RAPGEF2: variants seen among roughly 807,000 people sequenced by gnomAD.
RAPGEF2 encodes Rap guanine nucleotide exchange factor 2.
Under a neutral mutation model 186.7 loss-of-function variants are expected in RAPGEF2, and 54 were observed. The observed-to-expected ratio is 0.29, with a 90% CI of 0.23 to 0.36. RAPGEF2 has a LOEUF of 0.36. RAPGEF2 is among the 10% of genes least tolerant of loss of function. The probability of loss-of-function intolerance (pLI) is 1.00; values close to 1 mark genes in which losing one functional copy is unlikely to be tolerated. For synonymous variants in RAPGEF2, 712 were observed against 705.9 expected (o/e 1.01, Z -0.14); for missense variants, 1,532 against 2,045.0 (o/e 0.75, Z 4.84).
intron 8 of RAPGEF2, among the ~76,000 whole-genome samples, chr4:159,309,072 G>A (rs1291167053): frequency 6.6e-6 from 1 of 152,164 alleles, no homozygotes; most frequent in Non-Finnish European, 1.5e-5. Context: ...ACTTCACCCA[G>A]GACTGAAGTT....
intron 3 of RAPGEF2, among the ~76,000 whole-genome samples, chr4:159,205,349 T>C (rs894117131): frequency 2.6e-5 from 4 of 152,162 alleles, no homozygotes; most frequent in Non-Finnish European, 5.9e-5. Context: ...AATCTCAGTG[T>C]TAGTCTTAGA....
intron 1 of RAPGEF2, among the ~76,000 whole-genome samples, chr4:159,168,949 A>G (rs1031797205): frequency 1.3e-5 from 2 of 152,224 alleles, no homozygotes; most frequent in Non-Finnish European, 2.9e-5. Context: ...TCTTCTGACA[A>G]CCGTTATTCA....
intron 7 of RAPGEF2, among the ~76,000 whole-genome samples, chr4:159,283,758 G>A (rs1343253357): frequency 6.6e-6 from 1 of 152,088 alleles, no homozygotes; most frequent in African/African-American, 2.4e-5. Context: ...CTAAAGCCAG[G>A]ACATTTTTTT....
intron 1 of RAPGEF2, among the ~76,000 whole-genome samples, chr4:159,129,807 C>G (rs984508513): frequency 2.6e-5 from 4 of 152,068 alleles, no homozygotes; most frequent in Non-Finnish European, 2.9e-5. Flanking sequence ...GTTCTTGGAT[C>G]TTGGGCAAGA....
At chr4:159,146,251 A>G (rs1742948001) in intron 1 of RAPGEF2, among the ~76,000 whole-genome samples, 1 of 152,174 alleles carries the variant, frequency 6.6e-6, no homozygotes, top group African/African-American at 2.4e-5. Context: ...AGCAACAAAA[A>G]GTGGAATGTT....
chr4:159,243,230 T>C lies in RAPGEF2; in HGVS notation c.526-544T>C, dbSNP rs189622095. 1.1e-3 allele frequency among the ~76,000 whole-genome samples: 163 copies of C among 151,938 alleles called. 1 individual carries two copies. The highest frequency in any genetic ancestry group is 3.5e-3 in the Admixed American group (54 of 15,242). ...TGATTACTAATGGATCATATACTGG[T>C]TTACTAATGTGTGACATGTGGTATT... is the stretch of plus-strand genomic sequence containing the variant. On this transcript the variant is annotated intron_variant, in intron 6 of 29. Coordinates refer to ENST00000691494, the MANE Select transcript of RAPGEF2 (RefSeq NM_001394067.2).
chr4:159,169,987 C>T (rs959835546), intron 1 of RAPGEF2, among the ~76,000 whole-genome samples: 3 of 152,116 alleles, frequency 2.0e-5, no homozygotes, highest in Non-Finnish European at 4.4e-5. Context: ...TTTGCAGGAA[C>T]CTCCATACTG....
At chr4:159,280,955 T>G (rs6811571) in intron 7 of RAPGEF2, among the ~76,000 whole-genome samples, 49,414 of 151,302 alleles carry the variant, frequency 0.33, 8,632 homozygotes, top group Non-Finnish European at 0.4. Context: ...TAGCTAGCTG[T>G]ACAATGCGTA....
chr4:159,128,384 C>T (rs945072948), intron 1 of RAPGEF2, among the ~76,000 whole-genome samples: 4 of 151,814 alleles, frequency 2.6e-5, no homozygotes, highest in South Asian at 2.1e-4. Context: ...TTCAGGGTTA[C>T]GTAAGTTTAA....
intron 3 of RAPGEF2, among the ~76,000 whole-genome samples, chr4:159,207,300 A>T (rs1263750719): frequency 6.6e-6 from 1 of 152,236 alleles, no homozygotes; most frequent in Non-Finnish European, 1.5e-5. Flanking sequence ...GGTGGTAAGG[A>T]TGCTAGAGCA....
At chr4:159,351,525 G>A (rs1263817539) in intron 26 of RAPGEF2, among the ~76,000 whole-genome samples, 2 of 152,092 alleles carry the variant, frequency 1.3e-5, no homozygotes, top group Non-Finnish European at 2.9e-5. Context: ...TTAGGTAAGT[G>A]GCATTGAAGA....
chr4:159,315,060 G>A (rs1199466476), intron 9 of RAPGEF2, among the ~76,000 whole-genome samples: 2 of 151,490 alleles, frequency 1.3e-5, no homozygotes, highest in Admixed American at 1.3e-4. Context: ...GTTAAAATGA[G>A]CCTTTCAAGC....
intron 1 of RAPGEF2, among the ~76,000 whole-genome samples, chr4:159,129,875 G>C (rs1425397029): frequency 6.6e-6 from 1 of 152,130 alleles, no homozygotes; most frequent in Non-Finnish European, 1.5e-5. Context: ...AGAAAGTATG[G>C]GAATAAAAGA....
intron 7 of RAPGEF2, among the ~76,000 whole-genome samples, chr4:159,248,643 G>A (rs1200102250): frequency 6.6e-6 from 1 of 152,078 alleles, no homozygotes; most frequent in African/African-American, 2.4e-5. Flanking sequence ...TGCTTTAGGG[G>A]GACTAACTCT....
intron 4 of RAPGEF2, among the ~76,000 whole-genome samples, chr4:159,234,247 T>C (rs1018398953): frequency 6.6e-6 from 1 of 152,232 alleles, no homozygotes. Flanking sequence ...ACTTCTGATT[T>C]TTTGATGAAG....
At chr4:159,198,432 CTT>C (rs1491497490) in intron 3 of RAPGEF2, among the ~76,000 whole-genome samples, 30 of 65,824 alleles carry the variant, frequency 4.6e-4, no homozygotes, top group Middle Eastern at 7.5e-3. Context: ...CTCTCTCTCT[CTT>C]TCTTTCTTTC....
At chr4:159,147,995 T>C (rs1231176468) in intron 1 of RAPGEF2, among the ~76,000 whole-genome samples, 1 of 152,224 alleles carries the variant, frequency 6.6e-6, no homozygotes, top group East Asian at 1.9e-4. Flanking sequence ...TAATCTAAAA[T>C]TTCTTATTTT....
At chr4:159,130,026 TC>T (rs1207281037) in intron 1 of RAPGEF2, among the ~76,000 whole-genome samples, 2 of 152,186 alleles carry the variant, frequency 1.3e-5, no homozygotes, top group South Asian at 2.1e-4. Context: ...ACTGAGGTGT[TC>T]CTCCCTATTT....
At chr4:159,282,790 A>G (rs1484271415) in intron 7 of RAPGEF2, 3 of 331,686 alleles carry the variant, frequency 9.0e-6, no homozygotes, top group Non-Finnish European at 1.2e-5. Flanking sequence ...GCCATTATAC[A>G]TTATGCTATA....
Sources: gnomAD v4.1 joint callset for allele counts (sites outside exome capture counted in the v4.1 genomes callset) on GRCh38, gnomAD v4.1.1 for gene constraint, MANE v1.5 for transcripts, NCBI Gene and HGNC (gene_info 2026-07-23, HGNC 2026-07-21) for gene names.